GPC6: variants seen among roughly 807,000 people sequenced by gnomAD.
The protein encoded by GPC6 is glypican-6.
A neutral mutation model predicts 55.2 loss-of-function variants in GPC6; 14 were observed. That is an observed-to-expected ratio of 0.25 (90% confidence interval 0.17 to 0.40). The LOEUF is 0.40. GPC6 is among the 10% of genes least tolerant of loss of function. The pLI is 1.00. For missense variants in GPC6, 641 were observed against 708.5 expected, an observed-to-expected ratio of 0.90 and a Z score of 1.08; for synonymous variants, 278 against 259.6, an observed-to-expected ratio of 1.07 and a Z score of -0.68.
chr13:93,602,242 A>G (rs961376374), intron 2 of GPC6, among the ~76,000 whole-genome samples: 7 of 152,180 alleles, frequency 4.6e-5, no homozygotes, highest in African/African-American at 1.7e-4. Context: ...TTATTGCCAG[A>G]AAAAGTCCAC....
chr13:94,287,860 A>G (rs1892573149), intron 5 of GPC6, among the ~76,000 whole-genome samples: 1 of 152,204 alleles, frequency 6.6e-6, no homozygotes, highest in Non-Finnish European at 1.5e-5. Flanking sequence ...AATGTTAAAA[A>G]CAGCTCTAGA....
In GPC6 at chr13:94,141,430, C is replaced by T. The variant is rs373831979; in HGVS notation, c.877+113536C>T. 5.3e-5 allele frequency among the ~76,000 whole-genome samples: 8 copies of T among 152,102 alleles called. No homozygotes were observed. In the South Asian group the frequency reaches 1.0e-3, roughly 20 times the overall value. Reference sequence around the variant, plus strand: ...ATGGCGTTAGGTCCTGTTTATAACTCGGTCTCTTAGTGTCATGAAGAGTCC... The same window carrying T: ...ATGGCGTTAGGTCCTGTTTATAACTTGGTCTCTTAGTGTCATGAAGAGTCC... On this transcript the variant is annotated intron_variant, in intron 4 of 8. Coordinates refer to ENST00000377047, the MANE Select transcript of GPC6 (RefSeq NM_005708.5).
intron 2 of GPC6, among the ~76,000 whole-genome samples, chr13:93,717,841 A>G (rs1226785259): frequency 1.3e-5 from 2 of 151,718 alleles, no homozygotes; most frequent in Non-Finnish European, 2.9e-5. Context: ...ACTCCCACAT[A>G]TTAGTGAGAA....
At chr13:93,607,225 A>G (rs1052122863) in intron 2 of GPC6, among the ~76,000 whole-genome samples, 1 of 152,218 alleles carries the variant, frequency 6.6e-6, no homozygotes, top group Non-Finnish European at 1.5e-5. Context: ...GTCTACTTTT[A>G]TATGACTGTT....
At chr13:93,595,626 T>C (rs1179786240) in intron 2 of GPC6, among the ~76,000 whole-genome samples, 5 of 152,176 alleles carry the variant, frequency 3.3e-5, no homozygotes, top group African/African-American at 9.6e-5. Flanking sequence ...GTCCTGTGTC[T>C]CATTCCATAA....
intron 2 of GPC6, among the ~76,000 whole-genome samples, chr13:93,634,433 A>G (rs1225777165): frequency 6.6e-6 from 1 of 152,174 alleles, no homozygotes; most frequent in East Asian, 1.9e-4. Flanking sequence ...TACTGTAATC[A>G]CTTAGAACCA....
At chr13:94,230,086 T>G (rs950717193) in intron 4 of GPC6, among the ~76,000 whole-genome samples, 1 of 152,122 alleles carries the variant, frequency 6.6e-6, no homozygotes. Flanking sequence ...GGGCAGATTA[T>G]TTAGTTTGTC....
chr13:94,113,560 C>A (rs1029424720), intron 4 of GPC6, among the ~76,000 whole-genome samples: 22 of 152,206 alleles, frequency 1.4e-4, no homozygotes, highest in Middle Eastern at 3.4e-3. Flanking sequence ...TTTCCAGTGT[C>A]AATAACCTTG....
chr13:93,269,770 C>CAA (rs55928643), intron 1 of GPC6, among the ~76,000 whole-genome samples: 1 of 114,594 alleles, frequency 8.7e-6, no homozygotes, highest in Non-Finnish European at 1.8e-5. Context: ...CTAAAAATAC[C>CAA]AAAAAAAAAA....
rs536091278 is a variant in GPC6 at position 94,315,123 on chromosome 13, G to A, written c.1152+9000G>A. ...TACCCATAACACTGGCTGAGCTATC[G>A]AAAAATAAAAAGTCAGGTTGATAGT... On this transcript the variant is annotated intron_variant, in intron 6 of 8. Transcript: ENST00000377047. Among the ~76,000 whole-genome samples the A allele has an allele frequency of 1.7e-4, 26 of 152,206 alleles. 1 individual carries two copies. Among genetic ancestry groups the A allele is most frequent in the African/African-American group, 4.8e-4 (20 of 41,540 alleles).
chr13:94,068,929 A>G (rs1329340075), intron 4 of GPC6, among the ~76,000 whole-genome samples: 3 of 152,150 alleles, frequency 2.0e-5, no homozygotes, highest in Non-Finnish European at 4.4e-5. Context: ...AGTGCAAGCT[A>G]TCAGTGGATC....
chr13:93,393,017 G>C (rs1412702563), intron 1 of GPC6, among the ~76,000 whole-genome samples: 3 of 151,284 alleles, frequency 2.0e-5, no homozygotes, highest in Non-Finnish European at 4.4e-5. Context: ...TTTCTATGCT[G>C]CCTAATCATT....
At chr13:93,669,858 G>A (rs969791168) in intron 2 of GPC6, among the ~76,000 whole-genome samples, 3 of 152,072 alleles carry the variant, frequency 2.0e-5, no homozygotes, top group Non-Finnish European at 4.4e-5. Flanking sequence ...ATATTGATTA[G>A]TTTATTTGGA....
chr13:93,997,606 T>TGC (rs1555347614), intron 3 of GPC6, among the ~76,000 whole-genome samples: 2 of 151,610 alleles, frequency 1.3e-5, no homozygotes, highest in East Asian at 3.9e-4. Flanking sequence ...TGTGTGTGTG[T>TGC]GCATGCACGC....
chr13:93,224,029 A>C (rs1875690732), upstream of GPC6, among the ~76,000 whole-genome samples: 1 of 149,364 alleles, frequency 6.7e-6, no homozygotes, highest in South Asian at 2.1e-4. Flanking sequence ...CCTCCTGAGT[A>C]GCTGGGACTG....
chr13:93,764,944 C>T (rs908268883), intron 2 of GPC6, among the ~76,000 whole-genome samples: 18 of 152,074 alleles, frequency 1.2e-4, no homozygotes, highest in South Asian at 4.1e-4. Context: ...GGACTACAGG[C>T]GCGTGCCACC....
At chr13:93,241,444 C>T (rs1486665484) in intron 1 of GPC6, among the ~76,000 whole-genome samples, 1 of 152,178 alleles carries the variant, frequency 6.6e-6, no homozygotes, top group South Asian at 2.1e-4. Flanking sequence ...TAAAACTTTT[C>T]ACTGCATTTT....
At chr13:94,086,790 T>A (rs1030351628) in intron 4 of GPC6, among the ~76,000 whole-genome samples, 2 of 152,206 alleles carry the variant, frequency 1.3e-5, no homozygotes, top group Non-Finnish European at 2.9e-5. Flanking sequence ...TTTTTAATAA[T>A]CTTTTTAAAA....
chr13:93,813,415 T>A (rs1886757150), intron 2 of GPC6, among the ~76,000 whole-genome samples: 1 of 152,142 alleles, frequency 6.6e-6, no homozygotes, highest in African/African-American at 2.4e-5. Context: ...TTTGCATAAC[T>A]TCTGGGGATA....
Sources: allele counts gnomAD v4.1 joint callset (sites outside exome capture counted in the v4.1 genomes callset), GRCh38; gene constraint gnomAD v4.1.1; transcripts MANE v1.5; gene names NCBI Gene and HGNC (gene_info 2026-07-23, HGNC 2026-07-21).